NELL1: variants seen among roughly 807,000 people sequenced by gnomAD.
NELL1 encodes the protein protein kinase C-binding protein NELL1.
NELL1 carries 76 observed loss-of-function variants against 107.4 expected under a neutral mutation model. The observed-to-expected ratio is 0.71, with a 90% CI of 0.59 to 0.86. The LOEUF (loss-of-function observed/expected upper bound fraction) is 0.86. Among genes scored for constraint, NELL1 ranks in the 40% least tolerant of loss-of-function variants. The pLI is 0.00. For synonymous variants in NELL1, 353 were observed against 341.2 expected, an observed-to-expected ratio of 1.03 and a Z score of -0.38; for missense variants, 1,024 against 1,005.5, an observed-to-expected ratio of 1.02 and a Z score of -0.25.
At chr11:21,024,517 C>T (rs1440904958) in intron 12 of NELL1, among the ~76,000 whole-genome samples, 2 of 151,950 alleles carry the variant, frequency 1.3e-5, no homozygotes, top group African/African-American at 4.8e-5. Context: ...TTCTATCAAG[C>T]GGGAGTAATA....
At chr11:21,555,627 T>C (rs1307803857) in intron 16 of NELL1, among the ~76,000 whole-genome samples, 1 of 151,868 alleles carries the variant, frequency 6.6e-6, no homozygotes, top group African/African-American at 2.4e-5. Context: ...TCTTCCTGAC[T>C]CAGGAAAGGT....
chr11:20,826,759 G>T (rs1298166535), intron 3 of NELL1, among the ~76,000 whole-genome samples: 2 of 151,168 alleles, frequency 1.3e-5, no homozygotes, highest in African/African-American at 4.8e-5. Flanking sequence ...ATCAGCCTTA[G>T]TGGAACTAAT....
intron 11 of NELL1, among the ~76,000 whole-genome samples, chr11:20,958,757 A>G (rs1851229822): frequency 6.6e-6 from 1 of 152,194 alleles, no homozygotes; most frequent in African/African-American, 2.4e-5. Flanking sequence ...AAGACTGTTA[A>G]GCTAAGAAAA....
chr11:21,399,562 CA>C (rs1590900145), intron 15 of NELL1, among the ~76,000 whole-genome samples: 1 of 151,808 alleles, frequency 6.6e-6, no homozygotes, highest in East Asian at 2.0e-4. Context: ...ATGTATTGAA[CA>C]TTATATACCA....
At chr11:21,555,452 T>G (rs1411983838) in intron 16 of NELL1, among the ~76,000 whole-genome samples, 1 of 151,856 alleles carries the variant, frequency 6.6e-6, no homozygotes, top group Non-Finnish European at 1.5e-5. Flanking sequence ...AGTTGCTAAT[T>G]GTAGATACTA....
intron 15 of NELL1, among the ~76,000 whole-genome samples, chr11:21,404,007 C>CCCA (rs1852163977): frequency 2.1e-5 from 2 of 96,400 alleles, no homozygotes; most frequent in African/African-American, 8.2e-5. Context: ...ATTCCTGAAC[C>CCCA]CCCCCCCCCG....
At chr11:21,036,540 AT>A (rs1853097091) in intron 12 of NELL1, among the ~76,000 whole-genome samples, 1 of 152,024 alleles carries the variant, frequency 6.6e-6, no homozygotes, top group South Asian at 2.1e-4. Flanking sequence ...TCTTTCCCAT[AT>A]TCTCTATTTT....
chr11:21,575,346 T>A lies in NELL1; in HGVS notation c.*324T>A, dbSNP rs998264682. 1 of 238,176 alleles carries A rather than the reference T, an allele frequency of 4.2e-6. No individual in the cohort carries two copies. The highest frequency in any genetic ancestry group is 8.3e-6 in the Non-Finnish European group (1 of 120,748). The allele number at this position is 238,176 out of a possible 1,614,324, so 14.8% of individuals were successfully genotyped here. A position where few individuals can be genotyped will look rare whatever the true frequency, so the allele number is the denominator to read the frequency against. On this transcript the variant is annotated 3_prime_UTR_variant, in exon 20 of 20. Coordinates refer to ENST00000357134, the MANE Select transcript of NELL1 (RefSeq NM_006157.5). ...TAAATGATCTCATGGTAAATGTTGA[T>A]GTATTTTTTGGTTTATTTTGTGTAC... is the stretch of plus-strand genomic sequence containing the variant.
intron 14 of NELL1, among the ~76,000 whole-genome samples, chr11:21,303,409 TAACCACAA>T (rs1420801068): frequency 2.0e-5 from 3 of 152,004 alleles, no homozygotes; most frequent in Admixed American, 1.3e-4. Context: ...ATGCAAATTA[TAACCACAA>T]TGAGATATTA....
chr11:20,827,163 G>C (rs1309163184), intron 3 of NELL1, among the ~76,000 whole-genome samples: 2 of 151,078 alleles, frequency 1.3e-5, no homozygotes, highest in Non-Finnish European at 3.0e-5. Context: ...GCCAAGACAC[G>C]AACATTAATG....
chr11:21,099,233 AAACAC>A (rs1854741119), intron 12 of NELL1, among the ~76,000 whole-genome samples: 1 of 84,978 alleles, frequency 1.2e-5, no homozygotes, highest in African/African-American at 5.0e-5. Flanking sequence ...ACACACACAC[AAACAC>A]ACACACACAC....
At chr11:21,574,923 T>C in intron 19 of NELL1, 49 bp from the exon 20 acceptor site, 1 of 1,542,668 alleles carries the variant, frequency 6.5e-7, no homozygotes, top group Admixed American at 1.7e-5. Flanking sequence ...AGACTGCTAA[T>C]TTATATTCCA....
intron 11 of NELL1, among the ~76,000 whole-genome samples, chr11:20,951,150 T>C (rs971523836): frequency 1.3e-5 from 2 of 152,218 alleles, no homozygotes; most frequent in Non-Finnish European, 2.9e-5. Context: ...TTTTGCTCAC[T>C]GTCATTGTCA....
chr11:20,794,564 C>CCAGA (rs1158207309), intron 3 of NELL1, among the ~76,000 whole-genome samples: 1 of 152,144 alleles, frequency 6.6e-6, no homozygotes, highest in African/African-American at 2.4e-5. Flanking sequence ...GTTTTGGCAT[C>CCAGA]TGGAGGCTGA....
At chr11:21,021,594 C>G (rs1852702565) in intron 12 of NELL1, among the ~76,000 whole-genome samples, 1 of 152,054 alleles carries the variant, frequency 6.6e-6, no homozygotes, top group Non-Finnish European at 1.5e-5. Flanking sequence ...TGCACATGAA[C>G]TGCTGTTCTT....
intron 2 of NELL1, among the ~76,000 whole-genome samples, chr11:20,722,305 G>A (rs1283703967): frequency 6.6e-6 from 1 of 152,184 alleles, no homozygotes; most frequent in East Asian, 1.9e-4. Context: ...ACAGGCATGA[G>A]CCACCATGCC....
intron 12 of NELL1, among the ~76,000 whole-genome samples, chr11:20,976,598 C>T (rs1415423349): frequency 6.6e-6 from 1 of 152,102 alleles, no homozygotes; most frequent in Non-Finnish European, 1.5e-5. Flanking sequence ...ATCAAATTTG[C>T]ATATAATGGC....
chr11:21,293,454 G>T (rs1199675928), intron 14 of NELL1, among the ~76,000 whole-genome samples: 1 of 152,176 alleles, frequency 6.6e-6, no homozygotes, highest in Non-Finnish European at 1.5e-5. Context: ...AGGATGTGGA[G>T]AAATAGGAAT....
chr11:21,441,330 C>CGTGTGTGTGTGTGTGTGTGTGTGT (rs201892977), intron 15 of NELL1, among the ~76,000 whole-genome samples: 6 of 140,150 alleles, frequency 4.3e-5, no homozygotes, highest in African/African-American at 1.5e-4. Flanking sequence ...GAGGCTGTGA[C>CGTGTGTGTGTGTGTGTGTGTGTGT]GTGTGTGTGT....
Sources: gnomAD v4.1 joint callset for allele counts (sites outside exome capture counted in the v4.1 genomes callset) on GRCh38, gnomAD v4.1.1 for gene constraint, MANE v1.5 for transcripts, NCBI Gene and HGNC (gene_info 2026-07-23, HGNC 2026-07-21) for gene names.